The following RAP1A variants were observed in gnomAD, a reference collection of about 807,000 sequenced individuals.
RAP1A encodes the protein ras-related protein Rap-1A.
In RAP1A, 6 loss-of-function variants were observed where a neutral mutation model predicts 26.4. The ratio of observed to expected loss-of-function variants is 0.23; its 90% CI spans 0.12 to 0.45. The LOEUF (loss-of-function observed/expected upper bound fraction) is 0.45. RAP1A is among the 20% of genes least tolerant of loss of function. The probability of loss-of-function intolerance (pLI) is 0.99; values close to 1 mark genes in which losing one functional copy is unlikely to be tolerated. For synonymous variants in RAP1A, 73 were observed against 79.4 expected (o/e 0.92, Z 0.43); for missense variants, 121 against 217.2 (o/e 0.56, Z 2.78).
chr1:111,605,278 C>G (rs939122496), intron 1 of RAP1A, among the ~76,000 whole-genome samples: 1 of 152,144 alleles, frequency 6.6e-6, no homozygotes, highest in African/African-American at 2.4e-5. Context: ...ACCAAATAAA[C>G]GTACATATGT....
At chr1:111,544,683 G>A (rs533078014) in intron 1 of RAP1A, among the ~76,000 whole-genome samples, 4 of 152,032 alleles carry the variant, frequency 2.6e-5, no homozygotes, top group Non-Finnish European at 5.9e-5. Context: ...AAGTTTTTGC[G>A]TGAACATATG....
rs1227470650 is a variant in RAP1A at position 111,703,477 on chromosome 1, G to A, written c.324+1G>A. 2 of 1,578,910 alleles carry A rather than the reference G, an allele frequency of 1.3e-6. No homozygotes were observed. The highest frequency in any genetic ancestry group is 2.3e-5 in the East Asian group (1 of 44,310). On this transcript the variant is annotated splice_donor_variant, in intron 5 of 7. Coordinates refer to ENST00000369709, the MANE Select transcript of RAP1A (RefSeq NM_002884.4). LOFTEE classifies it high-confidence loss of function. Reference sequence around the variant, plus strand: ...TTTACGGGTTAAGGACACGGAAGATGTAAGTATTTTTTCTCTCTGTAAGAT... The same window carrying A: ...TTTACGGGTTAAGGACACGGAAGATATAAGTATTTTTTCTCTCTGTAAGAT...
chr1:111,560,625 A>C (rs1317295370), intron 1 of RAP1A, among the ~76,000 whole-genome samples: 1 of 151,878 alleles, frequency 6.6e-6, no homozygotes, highest in Non-Finnish European at 1.5e-5. Context: ...TGTAGCTGGG[A>C]CTACAAGCAT....
intron 1 of RAP1A, among the ~76,000 whole-genome samples, chr1:111,592,832 G>A (rs1039202966): frequency 2.0e-5 from 3 of 151,924 alleles, no homozygotes; most frequent in African/African-American, 4.8e-5. Context: ...CCATCTGCAC[G>A]CCCCCATTTC....
At chr1:111,684,899 C>T (rs1266887774) in intron 1 of RAP1A, among the ~76,000 whole-genome samples, 6 of 152,084 alleles carry the variant, frequency 3.9e-5, no homozygotes, top group African/African-American at 1.4e-4. Context: ...AAGGCTGCAG[C>T]AACCAAAACA....
chr1:111,544,149 A>G (rs1471722808), intron 1 of RAP1A, among the ~76,000 whole-genome samples: 1 of 152,174 alleles, frequency 6.6e-6, no homozygotes, highest in Non-Finnish European at 1.5e-5. Context: ...TTAATGCAAT[A>G]TTATTCTCTA....
Position 111,563,882 on chromosome 1 carries a change from G to A in RAP1A, c.-28+21373G>A, listed in dbSNP as rs781294847. The stretch of plus-strand genomic sequence containing the variant: ...ACTCAAGCAGCCCAGTGTCCAGTCT[G>A]GCTGCTCTTCCCAGGAGCTTTCCCA... On this transcript the variant is annotated intron_variant, in intron 1 of 7. Coordinates refer to the RAP1A transcript ENST00000356415. 9.9e-6 allele frequency: 16 copies of A among 1,613,488 alleles called. No individual in the cohort carries two copies. In the Admixed American group the frequency reaches 2.3e-4, roughly 24 times the overall value.
At chr1:111,685,045 TTTA>T (rs1011695538) in intron 1 of RAP1A, among the ~76,000 whole-genome samples, 1 of 152,232 alleles carries the variant, frequency 6.6e-6, no homozygotes, top group African/African-American at 2.4e-5. Flanking sequence ...GGATTCCTTA[TTTA>T]ATAAATGGTG....
chr1:111,542,725 C>T (rs1258473517), intron 1 of RAP1A, among the ~76,000 whole-genome samples: 3 of 151,498 alleles, frequency 2.0e-5, no homozygotes, highest in Non-Finnish European at 2.9e-5. Context: ...GAGATGGAGT[C>T]TCACCCTGTC....
At chr1:111,653,099 C>T (rs1248461776) in intron 1 of RAP1A, among the ~76,000 whole-genome samples, 1 of 152,304 alleles carries the variant, frequency 6.6e-6, no homozygotes, top group East Asian at 1.9e-4. Context: ...GAAATACTGA[C>T]ACAACTTCAA....
At chr1:111,625,688 T>C (rs1455486583) in intron 1 of RAP1A, among the ~76,000 whole-genome samples, 1 of 152,252 alleles carries the variant, frequency 6.6e-6, no homozygotes, top group Non-Finnish European at 1.5e-5. Context: ...GCCAAATCTA[T>C]TGATACCTTT....
intron 1 of RAP1A, among the ~76,000 whole-genome samples, chr1:111,657,814 T>G (rs1388007363): frequency 6.6e-6 from 1 of 152,182 alleles, no homozygotes; most frequent in African/African-American, 2.4e-5. Flanking sequence ...TTTAATATGT[T>G]GTGTTTTCAT....
intron 1 of RAP1A, among the ~76,000 whole-genome samples, chr1:111,556,452 A>G (rs144159728): frequency 1.3e-4 from 20 of 152,316 alleles, no homozygotes; most frequent in Admixed American, 1.2e-3. Flanking sequence ...TTGTACACCC[A>G]TGTTTATAGC....
At chr1:111,649,783 A>G (rs1290303585) in intron 1 of RAP1A, among the ~76,000 whole-genome samples, 14 of 152,188 alleles carry the variant, frequency 9.2e-5, no homozygotes, top group Admixed American at 5.9e-4. Context: ...CTAAAGGTGC[A>G]AAAGAATGAA....
At chr1:111,675,401 G>A (rs1007303709) in intron 1 of RAP1A, among the ~76,000 whole-genome samples, 8 of 152,080 alleles carry the variant, frequency 5.3e-5, no homozygotes, top group African/African-American at 1.9e-4. Context: ...GAACCCAGGA[G>A]GCGGAGTTTG....
intron 1 of RAP1A, chr1:111,564,000 C>T (rs1295155244): frequency 7.4e-7 from 1 of 1,349,926 alleles, no homozygotes; most frequent in Admixed American, 1.7e-5. Context: ...CTTCCAACAG[C>T]CACATTCCAC....
chr1:111,661,903 C>G (rs1660649887), intron 1 of RAP1A, among the ~76,000 whole-genome samples: 2 of 151,664 alleles, frequency 1.3e-5, no homozygotes. Flanking sequence ...AGAATAAACC[C>G]TAGAAATTCT....
chr1:111,691,705 A>G (rs1214583655), intron 2 of RAP1A, among the ~76,000 whole-genome samples: 1 of 152,196 alleles, frequency 6.6e-6, no homozygotes, highest in African/African-American at 2.4e-5. Flanking sequence ...TAAGGAATTT[A>G]CATTGTATTG....
intron 1 of RAP1A, among the ~76,000 whole-genome samples, chr1:111,542,965 G>A (rs963353966): frequency 3.3e-5 from 5 of 152,124 alleles, no homozygotes; most frequent in African/African-American, 1.2e-4. Context: ...CCAAAGTGCT[G>A]GGATTACAAG....
Sources: gnomAD v4.1 joint callset for allele counts (sites outside exome capture counted in the v4.1 genomes callset) on GRCh38, gnomAD v4.1.1 for gene constraint, MANE v1.5 for transcripts, NCBI Gene and HGNC (gene_info 2026-07-23, HGNC 2026-07-21) for gene names.